Variants in APH1B observed in about 807,000 individuals in gnomAD.
The protein encoded by APH1B is gamma-secretase subunit APH-1B.
In APH1B, 27 loss-of-function variants were observed where a neutral mutation model predicts 28.2. The ratio of observed to expected loss-of-function variants is 0.96; its 90% confidence interval spans 0.70 to 1.32. The LOEUF (loss-of-function observed/expected upper bound fraction) is 1.32. Ranked by LOEUF, APH1B falls within the 40% of genes most tolerant of loss-of-function variation. APH1B has a pLI of 0.00. For synonymous variants in APH1B, 141 were observed against 124.6 expected (o/e 1.13, Z -0.88); for missense variants, 305 against 313.6 (o/e 0.97, Z 0.21).
chr15:63,286,492 C>A lies in APH1B; in HGVS notation c.285-66C>A, dbSNP rs1455879146. 6 of 1,356,940 alleles carry A rather than the reference C, an allele frequency of 4.4e-6. No individual in the cohort carries two copies. The East Asian group carries it at 1.2e-4, about 28-fold the overall frequency. 84.1% of individuals were successfully genotyped at this position (1,356,940 alleles called of 1,614,324 possible). On this transcript the variant is annotated intron_variant, in intron 2 of 5. Transcript: ENST00000261879. Reference sequence around the variant, plus strand: ...GGTTTGAAGTGTCTTGTTGGACTTTCCTGATATATTGCTCTTCCTTTTTTT... The same window carrying A: ...GGTTTGAAGTGTCTTGTTGGACTTTACTGATATATTGCTCTTCCTTTTTTT...
intron 3 of APH1B, among the ~76,000 whole-genome samples, 188 bp downstream of exon 3, chr15:63,286,816 C>T (rs2038452037): frequency 6.6e-6 from 1 of 152,034 alleles, no homozygotes; most frequent in Non-Finnish European, 1.5e-5. Context: ...TGCAAGTGAC[C>T]CTTACCTGTA....
At chr15:63,287,386 G>T (rs1461321908) in intron 3 of APH1B, 38 bp from the exon 4 acceptor site, 4 of 1,605,902 alleles carry the variant, frequency 2.5e-6, no homozygotes, top group Non-Finnish European at 3.4e-6. Flanking sequence ...TGAAATCTTG[G>T]CAGGAAAAGA....
chr15:63,281,625 G>A (rs911925983), intron 2 of APH1B, among the ~76,000 whole-genome samples: 8 of 151,568 alleles, frequency 5.3e-5, no homozygotes, highest in Non-Finnish European at 1.0e-4. Flanking sequence ...AATTATCAGC[G>A]TGACAAAATG....
At chr15:63,301,482 G>C (rs2038626492) in intron 4 of APH1B, among the ~76,000 whole-genome samples, 1 of 152,218 alleles carries the variant, frequency 6.6e-6, no homozygotes, top group South Asian at 2.1e-4. Flanking sequence ...CATACACACA[G>C]AGGTAGTGTT....
intron 1 of APH1B, chr15:63,278,031 C>T (rs1298330939): frequency 2.3e-6 from 1 of 441,644 alleles, no homozygotes. Flanking sequence ...ATGCATCCTT[C>T]ATTTTCTGGA....
intron 1 of APH1B, 37 bp from the exon 2 acceptor site, chr15:63,279,124 G>T: frequency 2.7e-6 from 4 of 1,498,038 alleles, no homozygotes; most frequent in African/African-American, 1.4e-5. Context: ...ATCCTGTACT[G>T]ATGTTCACTT....
At chr15:63,295,531 A>T (rs2038556368) in intron 4 of APH1B, among the ~76,000 whole-genome samples, 1 of 152,254 alleles carries the variant, frequency 6.6e-6, no homozygotes, top group African/African-American at 2.4e-5. Context: ...CCTTCTCAGG[A>T]TCAGTGAGCA....
At position 63,287,519 on chromosome 15, in the gene APH1B, G is replaced by T. The variant is rs1406246105; in HGVS notation, c.451G>T (p.Asp151Tyr). The T allele has an allele frequency of 2.5e-6, 4 of 1,613,858 alleles. No homozygotes were observed. Among genetic ancestry groups the T allele is most frequent in the South Asian group, 2.2e-5 (2 of 91,070 alleles). Residue 151 changes from aspartate (D) to tyrosine (Y), a missense_variant, in exon 4 of 6, where the codon GAT becomes TAT. Asp to Tyr is a radical substitution (Grantham distance 160). Coordinates refer to ENST00000261879, the MANE Select transcript of APH1B (RefSeq NM_031301.4). ...GCCAGGCACAGTGGGCATTCATGGAGATTCTCCTCAATTCTTCCTTTATTC... is the reference window on the plus strand; with the variant it reads ...GCCAGGCACAGTGGGCATTCATGGATATTCTCCTCAATTCTTCCTTTATTC... ...LGPGTVGIHG[D>Y]SPQFFLYSAF...
chr15:63,289,312 C>T (rs2152595897), intron 4 of APH1B, among the ~76,000 whole-genome samples: 1 of 152,154 alleles, frequency 6.6e-6, no homozygotes, highest in Admixed American at 6.5e-5. Context: ...AAAATAAGAT[C>T]CCCAAATTTA....
At position 63,304,993 on chromosome 15, in the gene APH1B, C is replaced by G. The variant is rs187824656; in HGVS notation, c.607-621C>G. Among the ~76,000 whole-genome samples the G allele has an allele frequency of 6.6e-6, 1 of 152,334 alleles. No individual in the cohort carries two copies. Among genetic ancestry groups the G allele is most frequent in the East Asian group, 1.9e-4 (1 of 5,190 alleles). ...CCCTAAGGAGATCACCTTGTTTTTA[C>G]CCATCCTAGCCTCATCGCAATTATA... On this transcript the variant is annotated intron_variant, in intron 5 of 5. Coordinates refer to ENST00000261879, the MANE Select transcript of APH1B (RefSeq NM_031301.4). The surrounding 1 kb of genome is among the most constrained non-coding windows in gnomAD (Gnocchi z 5.1).
chr15:63,293,003 G>A (rs116750451), intron 4 of APH1B, among the ~76,000 whole-genome samples: 1,891 of 152,228 alleles, frequency 0.012, 46 homozygotes, highest in African/African-American at 0.044. Context: ...TTCCTCACAC[G>A]GATGAATGGC....
At chr15:63,279,703 G>A (rs2038364796) in intron 2 of APH1B, among the ~76,000 whole-genome samples, 1 of 151,994 alleles carries the variant, frequency 6.6e-6, no homozygotes, top group Admixed American at 6.5e-5. Context: ...TAAGTGTCAT[G>A]GAGACAAACA....
intron 1 of APH1B, chr15:63,278,362 C>T: frequency 2.2e-6 from 1 of 456,670 alleles, no homozygotes; most frequent in Non-Finnish European, 4.4e-6. Context: ...TTGGTAAATA[C>T]CGGACTCTGG....
chr15:63,305,298 A>G (rs2038674392), intron 5 of APH1B, among the ~76,000 whole-genome samples: 1 of 152,256 alleles, frequency 6.6e-6, no homozygotes, highest in Admixed American at 6.5e-5. Flanking sequence ...TGCAAATTCT[A>G]AGAACCAATT....
intron 2 of APH1B, among the ~76,000 whole-genome samples, chr15:63,285,923 G>T (rs1327431143): frequency 6.6e-6 from 1 of 152,220 alleles, no homozygotes; most frequent in Non-Finnish European, 1.5e-5. Context: ...AAACGTTTTA[G>T]AATCAGAAGA....
chr15:63,308,905 G>A lies in APH1B; in HGVS notation c.*3124G>A, dbSNP rs1169671091. On this transcript the variant is annotated 3_prime_UTR_variant, in exon 6 of 6. Transcript: ENST00000261879. Reference sequence around the variant, plus strand: ...TTAGTGCATTTTGTTTATGATTGCAGTGTTTGTTTCTTATTTAATAGGCTT... The same window carrying A: ...TTAGTGCATTTTGTTTATGATTGCAATGTTTGTTTCTTATTTAATAGGCTT... 6.6e-6 allele frequency: 1 copy of A among 152,202 alleles called. No individual in the cohort carries two copies. The highest frequency in any genetic ancestry group is 2.4e-5 in the African/African-American group (1 of 41,448). The allele number at this position is 152,202 out of a possible 1,614,324, so 9.4% of individuals were successfully genotyped here. A position where few individuals can be genotyped will look rare whatever the true frequency, so the allele number is the denominator to read the frequency against.
chr15:63,303,965 C>G (rs143026998), intron 5 of APH1B, among the ~76,000 whole-genome samples: 20 of 151,386 alleles, frequency 1.3e-4, no homozygotes, highest in African/African-American at 4.9e-4. Flanking sequence ...GTACATGTGT[C>G]GACTGTTCAT....
chr15:63,305,787 G>A lies in APH1B; in HGVS notation c.*6G>A. 6.2e-7 allele frequency: 1 copy of A among 1,611,468 alleles called. No homozygotes were observed. On this transcript the variant is annotated 3_prime_UTR_variant, in exon 6 of 6. Transcript: ENST00000261879. ...ACAACCAGCGCTCCAGATAACCTCA[G>A]GGAACCAGCACTTCCCAAACCGCAG...
Position 63,279,266 on chromosome 15 carries a change from C to CTT in APH1B, c.221_222dup (p.Gly75LeufsTer21), listed in dbSNP as rs1193226798. 2 of 1,612,410 alleles carry CTT rather than the reference C, an allele frequency of 1.2e-6. No individual in the cohort carries two copies. Among genetic ancestry groups the CTT allele is most frequent in the Non-Finnish European group, 1.7e-6 (2 of 1,178,828 alleles). On this transcript the variant is annotated frameshift_variant, in exon 2 of 6. Transcript: ENST00000261879. LOFTEE classifies it high-confidence loss of function. ...GACCAACACAGAAATATCTGCTGATCTTTGGAGCGTTTGTCTCTGTCTATA... is the reference window on the plus strand; with the variant it reads ...GACCAACACAGAAATATCTGCTGATCTTTTTGGAGCGTTTGTCTCTGTCTATA...
Sources: allele counts gnomAD v4.1 joint callset (sites outside exome capture counted in the v4.1 genomes callset), GRCh38; gene constraint gnomAD v4.1.1; non-coding constraint Gnocchi (gnomAD v3.1); transcripts MANE v1.5; gene names NCBI Gene and HGNC (gene_info 2026-07-23, HGNC 2026-07-21).